The following INTS2 variants were observed in gnomAD, a reference collection of about 807,000 sequenced individuals.
INTS2 encodes KIAA1287.
A neutral mutation model predicts 139.6 loss-of-function variants in INTS2; 57 were observed. That is an observed-to-expected ratio of 0.41 (90% CI 0.33 to 0.51). The LOEUF is 0.51. Ranked by LOEUF, INTS2 falls within the 20% of genes least tolerant of loss-of-function variation. INTS2 has a pLI of 0.28. For missense variants in INTS2, 1,196 were observed against 1,436.7 expected, an observed-to-expected ratio of 0.83 and a Z score of 2.71; for synonymous variants, 473 against 493.4, an observed-to-expected ratio of 0.96 and a Z score of 0.55.
chr17:61,914,308 G>C (rs1224711619), intron 5 of INTS2, among the ~76,000 whole-genome samples: 2 of 152,178 alleles, frequency 1.3e-5, no homozygotes, highest in Non-Finnish European at 2.9e-5. Flanking sequence ...GTAAATCCCA[G>C]CACTTTGGGA....
At position 61,886,675 on chromosome 17, in the gene INTS2, T is replaced by C. The variant is rs542733312; in HGVS notation, c.1985-1670A>G. ...TCTGTCTCATCTCTACTGCATTCTA[T>C]ATGCCTGGCACCCAAAGCTCATTCC... On this transcript the variant is annotated intron_variant, in intron 15 of 24. Coordinates refer to ENST00000251334, the MANE Select transcript of INTS2 (RefSeq NM_001351695.2). Among the ~76,000 whole-genome samples the C allele has an allele frequency of 7.2e-4, 109 of 152,352 alleles. 1 individual carries two copies. The highest frequency in any genetic ancestry group is 2.5e-3 in the African/African-American group (105 of 41,588).
In INTS2 at chr17:61,869,113, G is replaced by A. The variant is rs2079069016; in HGVS notation, c.3165C>T (p.His1055=). ...TTGGTAATGCATATTGTATACACAA[G>A]TGAGAAAGCAACTGGATAGCAAATA... The part of the protein sequence containing the change: ...KQIFAIQLLS[H]LCIQYALPKS... The change falls in exon 23 of 25, where the codon CAC becomes CAT. Residue 1055 remains histidine, a synonymous_variant. Transcript: ENST00000251334. This position sits in a 1 kb window ranked among gnomAD's most constrained non-coding sequence, Gnocchi z 5.4. 1 of 1,611,054 alleles carries A rather than the reference G, an allele frequency of 6.2e-7. No homozygotes were observed. The highest frequency in any genetic ancestry group is 1.1e-5 in the South Asian group (1 of 90,752).
chr17:61,877,996 C>G lies in INTS2; in HGVS notation c.2347G>C (p.Glu783Gln), dbSNP rs1171792589. The G allele has an allele frequency of 6.2e-7, 1 of 1,612,762 alleles. No homozygotes were observed. The highest frequency in any genetic ancestry group is 8.5e-7 in the Non-Finnish European group (1 of 1,178,786). ...LSASELIPYA[E>Q]VLTSNMSQLL... is the part of the protein sequence containing the mutation. ...TGGCTCATATTGGATGTTAACACTT[C>G]CGCATATGGTATAAGTTCACTGGCA... Residue 783 changes from glutamate to glutamine, a missense_variant, in exon 18 of 25, where the codon GAA becomes CAA. This residue lies in a region of INTS2 where 1,129 missense variants were observed against 1,341.9 expected (regional missense o/e 0.84). Transcript: ENST00000251334.
rs1319686813 is a variant in INTS2 at position 61,876,112 on chromosome 17, G to C, written c.2457-1074C>G. ...TGAGCCCATGAGTTGAGGTTACAGTGAACTATGATTGTGCCACTGCAGTCC... is the reference window on the plus strand; with the variant it reads ...TGAGCCCATGAGTTGAGGTTACAGTCAACTATGATTGTGCCACTGCAGTCC... On this transcript the variant is annotated intron_variant, in intron 18 of 24. Coordinates refer to ENST00000251334, the MANE Select transcript of INTS2 (RefSeq NM_001351695.2). This position sits in a 1 kb window ranked among gnomAD's most constrained non-coding sequence, Gnocchi z 4.1. 6.6e-6 allele frequency among the ~76,000 whole-genome samples: 1 copy of C among 152,156 alleles called. No individual in the cohort carries two copies. The highest frequency in any genetic ancestry group is 2.4e-5 in the African/African-American group (1 of 41,444).
intron 17 of INTS2, among the ~76,000 whole-genome samples, chr17:61,879,524 TC>T (rs2079158892): frequency 1.3e-5 from 2 of 152,160 alleles, no homozygotes; most frequent in African/African-American, 2.4e-5. Flanking sequence ...GTAAAATATC[TC>T]ATTAAAATTT....
chr17:61,886,482 A>C (rs1233756750), intron 15 of INTS2, among the ~76,000 whole-genome samples: 3 of 152,046 alleles, frequency 2.0e-5, no homozygotes, highest in Non-Finnish European at 4.4e-5. Context: ...TTCAGTGCCT[A>C]CTCACCTTTT....
At chr17:61,877,390 AC>A (rs879584063) in intron 18 of INTS2, among the ~76,000 whole-genome samples, 2 of 152,196 alleles carry the variant, frequency 1.3e-5, no homozygotes, top group Non-Finnish European at 2.9e-5. Flanking sequence ...CAATCTATGA[AC>A]CAGCAGAGAC....
chr17:61,915,358 A>G (rs1461892402), intron 5 of INTS2, among the ~76,000 whole-genome samples: 1 of 150,008 alleles, frequency 6.7e-6, no homozygotes, highest in East Asian at 2.0e-4. Context: ...ATAAATAAAT[A>G]AATAAATAAA....
Position 61,870,074 on chromosome 17 carries a change from T to C in INTS2, c.2779-86A>G. The C allele has an allele frequency of 9.5e-6, 12 of 1,260,212 alleles. No individual in the cohort carries two copies. In the South Asian group the frequency reaches 1.8e-4, roughly 19 times the overall value. The allele number at this position is 1,260,212 out of a possible 1,614,324, so 78.1% of individuals were successfully genotyped here. A position where few individuals can be genotyped will look rare whatever the true frequency, so the allele number is the denominator to read the frequency against. ...GATTTTATTTTCACATGAACAGATA[T>C]GATAAAATAACTAATTTCTTAAACA... On this transcript the variant is annotated intron_variant, in intron 20 of 24. Coordinates refer to ENST00000251334, the MANE Select transcript of INTS2 (RefSeq NM_001351695.2). The surrounding 1 kb of genome is among the most constrained non-coding windows in gnomAD (Gnocchi z 4.4).
chr17:61,883,020 G>A (rs768779942), intron 16 of INTS2, among the ~76,000 whole-genome samples: 21 of 151,958 alleles, frequency 1.4e-4, no homozygotes, highest in Admixed American at 2.0e-4. Context: ...AAAAGACATC[G>A]TAACAATCAA....
chr17:61,884,945 T>C lies in INTS2; in HGVS notation c.2045A>G (p.Lys682Arg), dbSNP rs1318912618. The C allele has an allele frequency of 6.2e-7, 1 of 1,609,572 alleles. No individual in the cohort carries two copies. The highest frequency in any genetic ancestry group is 1.1e-5 in the South Asian group (1 of 89,898). ...CCCTTGAGCCTGTCGAATAAGGAAT[T>C]TGATAGGAATCTGATCCATTAAAGA... The part of the protein sequence containing the change: ...SSSLMDQIPI[K>R]FLIRQAQGLQ... The change falls in exon 16 of 25, where the codon AAA (lysine) becomes AGA (arginine). Residue 682 changes from lysine to arginine, a missense_variant. Physicochemically the swap from Lys to Arg is conservative, Grantham distance 26. Coordinates refer to ENST00000251334, the MANE Select transcript of INTS2 (RefSeq NM_001351695.2).
chr17:61,875,347 T>C lies in INTS2; in HGVS notation c.2457-309A>G, dbSNP rs1448416978. ...ACCATACTTGCTATATGACTCTGTG[T>C]AAGTCACTGAGGCTCTCTAAACTGT... On this transcript the variant is annotated intron_variant, in intron 18 of 24. Transcript: ENST00000251334. This position sits in a 1 kb window ranked among gnomAD's most constrained non-coding sequence, Gnocchi z 4.6. 6.6e-6 allele frequency among the ~76,000 whole-genome samples: 1 copy of C among 152,210 alleles called. No homozygotes were observed. Among genetic ancestry groups the C allele is most frequent in the Non-Finnish European group, 1.5e-5 (1 of 68,020 alleles).
At chr17:61,911,486 T>G (rs748811289) in intron 7 of INTS2, 34 bp downstream of exon 7, 14 of 1,574,900 alleles carry the variant, frequency 8.9e-6, no homozygotes, top group Non-Finnish European at 2.6e-6. Context: ...TAAAGTATTC[T>G]GATCCTTAGC....
intron 17 of INTS2, among the ~76,000 whole-genome samples, chr17:61,879,499 G>C (rs1174260960): frequency 6.6e-6 from 1 of 152,170 alleles, no homozygotes; most frequent in Non-Finnish European, 1.5e-5. Context: ...CTAAGTGCAG[G>C]AGTCTTAGTG....
intron 3 of INTS2, among the ~76,000 whole-genome samples, chr17:61,922,175 A>T (rs1394925321): frequency 1.3e-5 from 2 of 152,164 alleles, no homozygotes; most frequent in Non-Finnish European, 2.9e-5. Flanking sequence ...GCAGTTTAAC[A>T]AATATAAATT....
At position 61,909,056 on chromosome 17, in the gene INTS2, T is replaced by C. The variant is rs1228858310; in HGVS notation, c.955-1422A>G. ...AAGTTAAAAACTGTTGCAAAATACA[T>C]ATGCATAAGCAGGTGAACGTATAAA... On this transcript the variant is annotated intron_variant, in intron 7 of 24. Transcript: ENST00000251334. This position sits in a 1 kb window ranked among gnomAD's most constrained non-coding sequence, Gnocchi z 4.9. Among the ~76,000 whole-genome samples the C allele has an allele frequency of 2.0e-5, 3 of 152,178 alleles. No individual in the cohort carries two copies. Among genetic ancestry groups the C allele is most frequent in the South Asian group, 4.1e-4 (2 of 4,822 alleles).
rs2079318721 is a variant in INTS2 at position 61,893,706 on chromosome 17, A to AT, written c.1698+58_1698+59insA. The AT allele has an allele frequency of 3.2e-5, 41 of 1,281,908 alleles. No individual in the cohort carries two copies. In the South Asian group the frequency reaches 5.0e-4, roughly 16 times the overall value. 79.4% of individuals were successfully genotyped at this position (1,281,908 alleles called of 1,614,324 possible). On this transcript the variant is annotated intron_variant, in intron 13 of 24. Coordinates refer to ENST00000251334, the MANE Select transcript of INTS2 (RefSeq NM_001351695.2). The surrounding 1 kb of genome is among the most constrained non-coding windows in gnomAD (Gnocchi z 5.4). ...CAAGACTCCATCTCAAAAGAAAAAA[A>AT]ATATATATATAAAAATGTAGGGGCA...
intron 14 of INTS2, among the ~76,000 whole-genome samples, chr17:61,890,385 C>G (rs1186539017): frequency 6.7e-6 from 1 of 149,102 alleles, no homozygotes; most frequent in African/African-American, 2.5e-5. Context: ...CTGAGGCAGG[C>G]AGATCACCTG....
At chr17:61,878,503 G>T (rs969578395) in intron 17 of INTS2, among the ~76,000 whole-genome samples, 1 of 152,250 alleles carries the variant, frequency 6.6e-6, no homozygotes, top group Admixed American at 6.5e-5. Flanking sequence ...GGCGGAGATT[G>T]CAGGGAGCTG....
Sources: gnomAD v4.1 joint callset for allele counts (sites outside exome capture counted in the v4.1 genomes callset) on GRCh38, gnomAD v4.1.1 for gene constraint, gnomAD v4.1.1 regional missense constraint, Gnocchi (gnomAD v3.1) non-coding constraint, MANE v1.5 for transcripts, NCBI Gene and HGNC (gene_info 2026-07-23, HGNC 2026-07-21) for gene names.